WDR82: variants seen among roughly 807,000 people sequenced by gnomAD.
WDR82 encodes WD repeat-containing protein 82.
A neutral mutation model predicts 36.1 loss-of-function variants in WDR82; 8 were observed. The ratio of observed to expected loss-of-function variants is 0.22; its 90% CI spans 0.13 to 0.40. WDR82 has a LOEUF of 0.40. WDR82 is among the 10% of genes least tolerant of loss of function. The pLI is 1.00. For synonymous variants in WDR82, 129 were observed against 137.8 expected, an observed-to-expected ratio of 0.94 and a Z score of 0.45; for missense variants, 185 against 400.5, an observed-to-expected ratio of 0.46 and a Z score of 4.59.
chr3:52,270,425 C>G (rs1003517994), intron 2 of WDR82, among the ~76,000 whole-genome samples: 1 of 152,182 alleles, frequency 6.6e-6, no homozygotes, highest in African/African-American at 2.4e-5. Context: ...GCTTTAAAAG[C>G]GTTCTTTTAA....
chr3:52,275,372 G>T (rs916828137), intron 1 of WDR82, among the ~76,000 whole-genome samples: 1 of 152,126 alleles, frequency 6.6e-6, no homozygotes, highest in African/African-American at 2.4e-5. Context: ...AATACCCAAA[G>T]AAGTAATCTG....
Position 52,255,815 on chromosome 3 carries a change from TAAG to T in WDR82, c.*1672_*1674del, listed in dbSNP as rs1700000882. 6.6e-6 allele frequency: 1 copy of T among 152,216 alleles called. No individual in the cohort carries two copies. The highest frequency in any genetic ancestry group is 1.5e-5 in the Non-Finnish European group (1 of 68,072). The allele number at this position is 152,216 out of a possible 1,614,324, so 9.4% of individuals were successfully genotyped here. On this transcript the variant is annotated 3_prime_UTR_variant, in exon 9 of 9. Coordinates refer to ENST00000296490, the MANE Select transcript of WDR82 (RefSeq NM_025222.4). ...AAATGACATACTCCTCTCTCTGCTCTAAGAAGGCCATGAGCCAGCTGCAGCTCA... is the reference window on the plus strand; with the variant it reads ...AAATGACATACTCCTCTCTCTGCTCTAAGGCCATGAGCCAGCTGCAGCTCA...
At chr3:52,269,437 T>C (rs1437448781) in intron 2 of WDR82, among the ~76,000 whole-genome samples, 1 of 152,014 alleles carries the variant, frequency 6.6e-6, no homozygotes, top group Non-Finnish European at 1.5e-5. Flanking sequence ...ATTGCACCAT[T>C]GCACTCCAGC....
intron 1 of WDR82, among the ~76,000 whole-genome samples, chr3:52,277,889 G>A (rs1446975420): frequency 6.6e-6 from 1 of 152,238 alleles, no homozygotes; most frequent in East Asian, 1.9e-4. Flanking sequence ...CTACCTGGTG[G>A]GCCCAGGGTG....
At chr3:52,274,434 G>A (rs772518525) in intron 1 of WDR82, among the ~76,000 whole-genome samples, 142 of 152,266 alleles carry the variant, frequency 9.3e-4, no homozygotes, top group African/African-American at 3.1e-3. Flanking sequence ...GTAAGTTGGC[G>A]AGTGCTTGTA....
intron 5 of WDR82, 116 bp from the exon 6 acceptor site, chr3:52,259,988 A>C: frequency 4.8e-6 from 6 of 1,251,530 alleles, no homozygotes; most frequent in Non-Finnish European, 6.6e-6. Context: ...AGAATGAGCT[A>C]CTTCTCTGCC....
intron 8 of WDR82, among the ~76,000 whole-genome samples, chr3:52,257,754 C>A (rs913515663): frequency 2.6e-5 from 4 of 152,016 alleles, no homozygotes; most frequent in African/African-American, 4.8e-5. Context: ...CCAAAGCAGA[C>A]CCCCCGCCCC....
At chr3:52,267,099 G>A (rs770388718) in intron 2 of WDR82, 81 bp from the exon 3 acceptor site, 2 of 1,136,140 alleles carry the variant, frequency 1.8e-6, no homozygotes, top group Non-Finnish European at 2.6e-6. Flanking sequence ...AAAAAGACAA[G>A]GTCAAATAAT....
chr3:52,259,601 C>T, intron 6 of WDR82, 116 bp downstream of exon 6: 1 of 1,258,266 alleles, frequency 7.9e-7, no homozygotes, highest in Non-Finnish European at 1.1e-6. Flanking sequence ...AATACAAGTG[C>T]ATGCCTTCAT....
intron 1 of WDR82, among the ~76,000 whole-genome samples, chr3:52,273,497 A>G (rs1210702358): frequency 6.6e-6 from 1 of 152,162 alleles, no homozygotes; most frequent in Non-Finnish European, 1.5e-5. Context: ...AGAATAGTGT[A>G]AGGAAAATTT....
At chr3:52,260,329 C>G in intron 5 of WDR82, 56 bp downstream of exon 5, 1 of 1,378,090 alleles carries the variant, frequency 7.3e-7, no homozygotes, top group Non-Finnish European at 9.7e-7. Context: ...AACTCTGTCT[C>G]AAAAACAAAA....
chr3:52,271,038 G>A (rs1700148707), intron 1 of WDR82, among the ~76,000 whole-genome samples: 1 of 152,194 alleles, frequency 6.6e-6, no homozygotes, highest in Non-Finnish European at 1.5e-5. Flanking sequence ...TAGGTGGGAA[G>A]TAAAAGTAAA....
chr3:52,266,907 T>C, intron 3 of WDR82, 45 bp downstream of exon 3: 1 of 1,529,930 alleles, frequency 6.5e-7, no homozygotes, highest in Non-Finnish European at 9.0e-7. Context: ...CTGGGTAACC[T>C]CAGGGATAAA....
Position 52,278,424 on chromosome 3 carries a change from G to C in WDR82, c.-63C>G. 2 of 1,210,894 alleles carry C rather than the reference G, an allele frequency of 1.7e-6. No individual in the cohort carries two copies. The highest frequency in any genetic ancestry group is 2.1e-6 in the Non-Finnish European group (2 of 972,948). 75.0% of individuals were successfully genotyped at this position (1,210,894 alleles called of 1,614,324 possible). A position where few individuals can be genotyped will look rare whatever the true frequency, so the allele number is the denominator to read the frequency against. On this transcript the variant is annotated 5_prime_UTR_variant, in exon 1 of 9. Transcript: ENST00000296490. Reference sequence around the variant, plus strand: ...GGGCGGGGCCCGGCGGCGAGCGGGCGGGCTGCCGAGGGGCCAACCCAGGCG... The same window carrying C: ...GGGCGGGGCCCGGCGGCGAGCGGGCCGGCTGCCGAGGGGCCAACCCAGGCG...
chr3:52,261,571 T>C (rs1700062087), intron 3 of WDR82, 92 bp from the exon 4 acceptor site: 4 of 983,776 alleles, frequency 4.1e-6, no homozygotes, highest in Non-Finnish European at 4.3e-6. Flanking sequence ...TATACATATA[T>C]ATACCTGTTC....
At chr3:52,258,884 C>T (rs1333887855) in intron 7 of WDR82, among the ~76,000 whole-genome samples, 2 of 152,146 alleles carry the variant, frequency 1.3e-5, no homozygotes, top group Non-Finnish European at 2.9e-5. Context: ...ATGTCACTTC[C>T]GTTCTAACTT....
intron 3 of WDR82, among the ~76,000 whole-genome samples, chr3:52,264,941 A>G (rs1228048703): frequency 1.3e-5 from 2 of 151,996 alleles, no homozygotes; most frequent in African/African-American, 4.8e-5. Context: ...GGCCTTAACC[A>G]CCACACCCAG....
intron 3 of WDR82, among the ~76,000 whole-genome samples, chr3:52,265,554 C>T (rs564521225): frequency 6.7e-6 from 1 of 149,882 alleles, no homozygotes; most frequent in Non-Finnish European, 1.5e-5. Context: ...GCCTGCCCAA[C>T]TGGAAGTGCA....
chr3:52,277,386 T>C (rs1324543827), intron 1 of WDR82, among the ~76,000 whole-genome samples: 1 of 151,788 alleles, frequency 6.6e-6, no homozygotes, highest in African/African-American at 2.4e-5. Flanking sequence ...TGATCAGAAT[T>C]GGAATTCAAA....
Sources: allele counts gnomAD v4.1 joint callset (sites outside exome capture counted in the v4.1 genomes callset), GRCh38; gene constraint gnomAD v4.1.1; transcripts MANE v1.5; gene names NCBI Gene and HGNC (gene_info 2026-07-23, HGNC 2026-07-21).